Variants in CD44 observed in about 807,000 individuals in gnomAD.
CD44 encodes CD44 antigen.
A neutral mutation model predicts 88.8 loss-of-function variants in CD44; 49 were observed. The ratio of observed to expected loss-of-function variants is 0.55; its 90% confidence interval spans 0.44 to 0.70. The LOEUF (loss-of-function observed/expected upper bound fraction) is 0.70. Among genes scored for constraint, CD44 ranks in the 30% least tolerant of loss-of-function variants. The probability of loss-of-function intolerance (pLI) is 0.00; values close to 1 mark genes in which losing one functional copy is unlikely to be tolerated. For missense variants in CD44, 883 were observed against 913.8 expected (o/e 0.97, Z 0.43); for synonymous variants, 325 against 312.3 (o/e 1.04, Z -0.43).
At chr11:35,165,442 T>C (rs2133414842) in intron 1 of CD44, among the ~76,000 whole-genome samples, 1 of 152,308 alleles carries the variant, frequency 6.6e-6, no homozygotes, top group Middle Eastern at 3.4e-3. Context: ...GGGTCTGTAG[T>C]ACCTACCCTC....
At chr11:35,176,967 T>G (rs1944527662) in intron 2 of CD44, 1 of 482,316 alleles carries the variant, frequency 2.1e-6, no homozygotes, top group South Asian at 3.1e-5. Flanking sequence ...GAGGAAGCCA[T>G]TAGGGGTCCT....
Position 35,231,115 on chromosome 11 carries a change from T to A in CD44, c.*1782T>A, listed in dbSNP as rs1456751358. Reference sequence around the variant, plus strand: ...ACTTCACCCCACAATCTTGAAAAACTTCCTTTCTCTTCTGTGAACATCATT... The same window carrying A: ...ACTTCACCCCACAATCTTGAAAAACATCCTTTCTCTTCTGTGAACATCATT... On this transcript the variant is annotated 3_prime_UTR_variant, in exon 18 of 18. Coordinates refer to ENST00000428726, the MANE Select transcript of CD44 (RefSeq NM_000610.4). 6.5e-6 allele frequency: 1 copy of A among 152,696 alleles called. No homozygotes were observed. The highest frequency in any genetic ancestry group is 2.4e-5 in the African/African-American group (1 of 41,444). The allele number at this position is 152,696 out of a possible 1,614,324, so 9.5% of individuals were successfully genotyped here. A position where few individuals can be genotyped will look rare whatever the true frequency, so the allele number is the denominator to read the frequency against.
chr11:35,186,832 C>T lies in CD44; in HGVS notation c.368C>T (p.Ala123Val). The change falls in exon 4 of 18, where the codon GCT (alanine) becomes GTT (valine). Residue 123 changes from alanine (A) to valine (V), a missense_variant and splice_region_variant. Physicochemically the swap from Ala to Val is moderately conservative, Grantham distance 64 (BLOSUM62 0). Coordinates refer to ENST00000428726, the MANE Select transcript of CD44 (RefSeq NM_000610.4). Reference protein sequence around the residue: ...QYDTYCFNASAPPEEDCTSVT... With the variant: ...QYDTYCFNASVPPEEDCTSVT... Reference sequence around the variant, plus strand: ...TCATCCTTTTTTTCCTACCTCATAGCTCCACCTGAAGAAGATTGTACATCA... The same window carrying T: ...TCATCCTTTTTTTCCTACCTCATAGTTCCACCTGAAGAAGATTGTACATCA... The T allele has an allele frequency of 6.3e-7, 1 of 1,596,234 alleles. No individual in the cohort carries two copies. The highest frequency in any genetic ancestry group is 8.6e-7 in the Non-Finnish European group (1 of 1,163,754).
At chr11:35,182,402 C>T (rs181180895) in intron 3 of CD44, among the ~76,000 whole-genome samples, 1 of 152,060 alleles carries the variant, frequency 6.6e-6, no homozygotes, top group East Asian at 1.9e-4. Context: ...ATTTACAGGT[C>T]ACTGAATCTA....
intron 3 of CD44, among the ~76,000 whole-genome samples, chr11:35,182,225 T>C (rs1945215623): frequency 6.6e-6 from 1 of 151,392 alleles, no homozygotes; most frequent in Admixed American, 6.6e-5. Context: ...AAAATTAAAA[T>C]TAATTGTGAG....
intron 6 of CD44, chr11:35,197,490 C>T (rs1227840327): frequency 6.6e-6 from 1 of 152,108 alleles, no homozygotes. Flanking sequence ...TTAGTTAACC[C>T]CTTTGATTGC....
intron 2 of CD44, among the ~76,000 whole-genome samples, chr11:35,177,844 T>C (rs1046567137): frequency 2.0e-5 from 3 of 152,228 alleles, no homozygotes; most frequent in African/African-American, 7.2e-5. Flanking sequence ...ATTAAAACTT[T>C]AGTTCTTCAC....
At chr11:35,196,264 T>G (rs1364501676) in intron 5 of CD44, among the ~76,000 whole-genome samples, 1 of 152,240 alleles carries the variant, frequency 6.6e-6, no homozygotes, top group Non-Finnish European at 1.5e-5. Context: ...GTTGGATAGT[T>G]CAGATTATTG....
intron 4 of CD44, among the ~76,000 whole-genome samples, chr11:35,187,885 A>G (rs1473258625): frequency 6.6e-6 from 1 of 152,198 alleles, no homozygotes; most frequent in Non-Finnish European, 1.5e-5. Context: ...CTTTTTAAAA[A>G]TAGACATGGG....
chr11:35,157,915 C>T (rs1942110246), intron 1 of CD44, among the ~76,000 whole-genome samples: 1 of 152,136 alleles, frequency 6.6e-6, no homozygotes, highest in African/African-American at 2.4e-5. Flanking sequence ...GGTGTGGCTC[C>T]CCTCTGGGAC....
chr11:35,175,956 C>T (rs1284727783), intron 1 of CD44, among the ~76,000 whole-genome samples: 3 of 150,070 alleles, frequency 2.0e-5, no homozygotes, highest in Non-Finnish European at 4.4e-5. Context: ...ACCTCTGCCT[C>T]CTGGTTCAAG....
intron 15 of CD44, among the ~76,000 whole-genome samples, chr11:35,218,454 G>A (rs1223143060): frequency 4.6e-5 from 7 of 152,008 alleles, no homozygotes; most frequent in Non-Finnish European, 1.0e-4. Context: ...TCAGCCTCCC[G>A]AGTAGCTGGG....
rs148181116 is a variant in CD44 at position 35,189,930 on chromosome 11, G to C, written c.532G>C (p.Val178Leu). 4 of 1,614,026 alleles carry C rather than the reference G, an allele frequency of 2.5e-6. No homozygotes were observed. In the African/African-American group the frequency reaches 5.3e-5, roughly 22 times the overall value. ...IYPSNPTDDD[V>L]SSGSSSERSS... ...CCCCAGCAACCCTACTGATGATGAC[G>C]TGAGCAGCGGCTCCTCCAGTGAAAG... Residue 178 changes from valine (V) to leucine (L), a missense_variant, in exon 5 of 18, where the codon GTG (valine) becomes CTG (leucine). Physicochemically the swap from Val to Leu is conservative, Grantham distance 32. Around this residue, in one of 2 missense-constraint regions of CD44, gnomAD observed 252 missense variants for 322.9 expected, o/e 0.78. Transcript: ENST00000428726.
chr11:35,141,555 G>C (rs1857937357), intron 1 of CD44, among the ~76,000 whole-genome samples: 1 of 152,036 alleles, frequency 6.6e-6, no homozygotes, highest in South Asian at 2.1e-4. Context: ...CTTTGTCTTT[G>C]GGCATTCTGA....
Position 35,176,129 on chromosome 11 carries a change from G to T in CD44, c.68-446G>T, listed in dbSNP as rs985163761. On this transcript the variant is annotated intron_variant, in intron 1 of 17. Coordinates refer to ENST00000428726, the MANE Select transcript of CD44 (RefSeq NM_000610.4). ...GCGATCTCAGCTCACTGTAAGCTCC[G>T]CCTCCCAGGTTCATGCCATTCTCCT... 2.0e-5 allele frequency among the ~76,000 whole-genome samples: 3 copies of T among 146,426 alleles called. No individual in the cohort carries two copies. The South Asian group carries it at 6.5e-4, about 32-fold the overall frequency.
chr11:35,215,705 C>T (rs762154097), intron 15 of CD44, among the ~76,000 whole-genome samples: 1 of 151,828 alleles, frequency 6.6e-6, no homozygotes, highest in African/African-American at 2.4e-5. Flanking sequence ...AACCCTGTCT[C>T]TACTAAAAAT....
intron 1 of CD44, among the ~76,000 whole-genome samples, chr11:35,141,882 G>T (rs1858038618): frequency 6.6e-6 from 1 of 152,196 alleles, no homozygotes; most frequent in Non-Finnish European, 1.5e-5. Flanking sequence ...GGAGGAAAGG[G>T]GAAGGAAAGG....
intron 9 of CD44, among the ~76,000 whole-genome samples, chr11:35,204,102 G>C (rs892503102): frequency 6.6e-6 from 1 of 152,160 alleles, no homozygotes; most frequent in Admixed American, 6.5e-5. Flanking sequence ...TGCTGATCTT[G>C]TTATTAGCTG....
intron 1 of CD44, among the ~76,000 whole-genome samples, chr11:35,147,521 G>C (rs1409037779): frequency 4.6e-5 from 7 of 152,014 alleles, no homozygotes; most frequent in Non-Finnish European, 8.8e-5. Flanking sequence ...AGGAGGCAAG[G>C]CCCCCTGGGA....
Sources: gnomAD v4.1 joint callset for allele counts (sites outside exome capture counted in the v4.1 genomes callset) on GRCh38, gnomAD v4.1.1 for gene constraint, gnomAD v4.1.1 regional missense constraint, MANE v1.5 for transcripts, NCBI Gene and HGNC (gene_info 2026-07-23, HGNC 2026-07-21) for gene names.